The following TSNARE1 variants were observed in gnomAD, a reference collection of about 807,000 sequenced individuals.
TSNARE1 encodes t-SNARE domain-containing protein 1.
Under a neutral mutation model 62.0 loss-of-function variants are expected in TSNARE1, and 49 were observed. That is an observed-to-expected ratio of 0.79 (90% CI 0.63 to 1.00). TSNARE1 has a LOEUF of 1.00. TSNARE1 is among the 50% of genes least tolerant of loss of function. The pLI, the probability that TSNARE1 is intolerant of heterozygous loss-of-function variation, is 0.00. For missense variants in TSNARE1, 755 were observed against 700.1 expected (o/e 1.08, Z -0.88); for synonymous variants, 328 against 294.4 (o/e 1.11, Z -1.17).
Position 142,354,705 on chromosome 8 carries a change from G to A in TSNARE1, c.20C>T (p.Ala7Val), listed in dbSNP as rs759723108. 6.2e-7 allele frequency: 1 copy of A among 1,613,526 alleles called. No individual in the cohort carries two copies. Among genetic ancestry groups the A allele is most frequent in the Non-Finnish European group, 8.5e-7 (1 of 1,179,802 alleles). Residue 7 changes from alanine to valine, a missense_variant, in exon 2 of 14, where the codon GCC becomes GTC. Transcript: ENST00000524325. MSYGSI[A>V]RGGGLGSRGP... ...ACGGCTCCCCAGGCCACCTCCACGG[G>A]CGATGGATCCGTATGACATCTTCTT...
chr8:142,345,909 A>T lies in TSNARE1; in HGVS notation c.89-17T>A. 4 of 1,609,982 alleles carry T rather than the reference A, an allele frequency of 2.5e-6. No homozygotes were observed. Among genetic ancestry groups the T allele is most frequent in the Non-Finnish European group, 3.4e-6 (4 of 1,177,606 alleles). ...TAGCGCACTCTACGGACAGCAAGGGACAGTCACGATTACTCTCAGCTCAGG... is the reference window on the plus strand; with the variant it reads ...TAGCGCACTCTACGGACAGCAAGGGTCAGTCACGATTACTCTCAGCTCAGG... On this transcript the variant is annotated splice_polypyrimidine_tract_variant and intron_variant, in intron 2 of 13. Transcript: ENST00000524325.
intron 12 of TSNARE1, among the ~76,000 whole-genome samples, chr8:142,232,172 G>A (rs1015118204): frequency 5.3e-5 from 8 of 152,254 alleles, no homozygotes. Flanking sequence ...TGGTCTGCAG[G>A]CCGAGGTGCA....
chr8:142,353,314 T>G (rs1834343995), intron 2 of TSNARE1, among the ~76,000 whole-genome samples: 1 of 151,946 alleles, frequency 6.6e-6, no homozygotes, highest in Non-Finnish European at 1.5e-5. Context: ...CACTTGTCTC[T>G]CTGCCTCCTG....
chr8:142,361,374 G>C (rs769409003), intron 1 of TSNARE1, among the ~76,000 whole-genome samples: 3 of 152,236 alleles, frequency 2.0e-5, no homozygotes, highest in African/African-American at 7.2e-5. Flanking sequence ...TGGGCTGCAG[G>C]ACATGAGCGC....
intron 11 of TSNARE1, chr8:142,275,514 C>CG (rs1167472442): frequency 6.1e-6 from 6 of 985,304 alleles, no homozygotes; most frequent in Non-Finnish European, 7.2e-6. Context: ...CCCAGGGATC[C>CG]GGAAGATTCC....
At chr8:142,269,425 G>A (rs992712298) in intron 12 of TSNARE1, 15 of 985,244 alleles carry the variant, frequency 1.5e-5, no homozygotes, top group African/African-American at 1.7e-5. Flanking sequence ...GGTTAAGACT[G>A]TAACGCAAGA....
intron 12 of TSNARE1, among the ~76,000 whole-genome samples, chr8:142,238,388 C>G (rs1246477244): frequency 6.6e-6 from 1 of 152,122 alleles, no homozygotes; most frequent in African/African-American, 2.4e-5. Flanking sequence ...TAACTGAACT[C>G]TTGCCACAAG....
At chr8:142,337,056 A>G (rs1831850736) in intron 4 of TSNARE1, among the ~76,000 whole-genome samples, 1 of 152,268 alleles carries the variant, frequency 6.6e-6, no homozygotes, top group Non-Finnish European at 1.5e-5. Context: ...TCTCAAGTCA[A>G]TAATCTGACA....
intron 12 of TSNARE1, among the ~76,000 whole-genome samples, chr8:142,245,598 T>TA (rs1327655250): frequency 6.6e-6 from 1 of 152,168 alleles, no homozygotes; most frequent in Non-Finnish European, 1.5e-5. Context: ...TTTTAGGAGC[T>TA]AAAAAATAAG....
At chr8:142,392,225 T>C (rs1837582189) in intron 1 of TSNARE1, among the ~76,000 whole-genome samples, 1 of 152,046 alleles carries the variant, frequency 6.6e-6, no homozygotes, top group African/African-American at 2.4e-5. Context: ...TTTCACCATG[T>C]CGGCCAGACT....
intron 11 of TSNARE1, chr8:142,277,712 T>C: frequency 1.0e-6 from 1 of 985,436 alleles, no homozygotes; most frequent in Non-Finnish European, 1.2e-6. Context: ...ACTCCCGTGC[T>C]GCAGGGGAGC....
chr8:142,369,698 G>A (rs1027295764), intron 1 of TSNARE1, among the ~76,000 whole-genome samples: 6 of 152,164 alleles, frequency 3.9e-5, no homozygotes, highest in Non-Finnish European at 8.8e-5. Context: ...AAATGAAGAA[G>A]CTTCTGGAGC....
chr8:142,276,605 C>T (rs1430750072), intron 11 of TSNARE1: 27 of 985,426 alleles, frequency 2.7e-5, no homozygotes, highest in Non-Finnish European at 3.3e-5. Flanking sequence ...GCCATGTGCC[C>T]TGGCTGGACA....
chr8:142,278,511 C>T (rs1178748366), intron 11 of TSNARE1: 1 of 985,332 alleles, frequency 1.0e-6, no homozygotes, highest in Non-Finnish European at 1.2e-6. Flanking sequence ...GGGTGTGCCA[C>T]CATATGCGGA....
intron 12 of TSNARE1, among the ~76,000 whole-genome samples, chr8:142,236,084 G>T (rs911523197): frequency 7.2e-5 from 11 of 152,202 alleles, no homozygotes; most frequent in Non-Finnish European, 1.5e-4. Flanking sequence ...GCCTCACCGC[G>T]TGGCCATGAG....
intron 12 of TSNARE1, among the ~76,000 whole-genome samples, chr8:142,264,145 C>G (rs2130424921): frequency 6.6e-6 from 1 of 152,316 alleles, no homozygotes; most frequent in Non-Finnish European, 1.5e-5. Context: ...TTGTACCTAG[C>G]TATTAACTTC....
intron 1 of TSNARE1, among the ~76,000 whole-genome samples, chr8:142,375,678 C>T (rs1563999402): frequency 6.6e-6 from 1 of 152,252 alleles, no homozygotes; most frequent in Non-Finnish European, 1.5e-5. Context: ...GCAAGTGGTT[C>T]AATGAAAATG....
intron 12 of TSNARE1, among the ~76,000 whole-genome samples, chr8:142,235,290 C>G (rs938508120): frequency 6.6e-6 from 1 of 152,134 alleles, no homozygotes; most frequent in Non-Finnish European, 1.5e-5. Context: ...CAGGCAGGGT[C>G]CGGCAGGTGG....
At chr8:142,363,794 C>A in intron 1 of TSNARE1, among the ~76,000 whole-genome samples, 1 of 152,186 alleles carries the variant, frequency 6.6e-6, no homozygotes, top group East Asian at 1.9e-4. Flanking sequence ...AGTCAACCGA[C>A]CCAGAGATCT....
Sources: allele counts gnomAD v4.1 joint callset (sites outside exome capture counted in the v4.1 genomes callset), GRCh38; gene constraint gnomAD v4.1.1; transcripts MANE v1.5; gene names NCBI Gene and HGNC (gene_info 2026-07-23, HGNC 2026-07-21).